The following GALNT13 variants were observed in gnomAD, a reference collection of about 807,000 sequenced individuals.
The protein encoded by GALNT13 is UDP-GalNAc:polypeptide N-acetylgalactosaminyltransferase 13.
GALNT13 carries 28 observed loss-of-function variants against 64.2 expected under a neutral mutation model. The observed-to-expected ratio is 0.44, with a 90% CI of 0.32 to 0.60. The LOEUF is 0.60. Ranked by LOEUF, GALNT13 falls within the 20% of genes least tolerant of loss-of-function variation. The pLI is 0.05. For missense variants in GALNT13, 577 were observed against 669.8 expected, an observed-to-expected ratio of 0.86 and a Z score of 1.53; for synonymous variants, 214 against 224.6, an observed-to-expected ratio of 0.95 and a Z score of 0.42.
At chr2:154,369,422 G>A (rs1313872329) in intron 9 of GALNT13, among the ~76,000 whole-genome samples, 1 of 152,134 alleles carries the variant, frequency 6.6e-6, no homozygotes, top group African/African-American at 2.4e-5. Flanking sequence ...ATACTTCAGT[G>A]TCAGCTCTCA....
chr2:153,239,059 G>A, the GALNT13 span, among the ~76,000 whole-genome samples: 1 of 151,738 alleles, frequency 6.6e-6, no homozygotes, highest in Non-Finnish European at 1.5e-5. Context: ...CTTTCACTTT[G>A]GCAACTTTAT....
At chr2:154,413,486 C>T (rs1418036101) in intron 11 of GALNT13, among the ~76,000 whole-genome samples, 1 of 151,964 alleles carries the variant, frequency 6.6e-6, no homozygotes, top group Non-Finnish European at 1.5e-5. Flanking sequence ...CAGCTTTCCA[C>T]TGCCCAAAGA....
At chr2:153,587,631 C>A in the GALNT13 span, among the ~76,000 whole-genome samples, 80 of 152,266 alleles carry the variant, frequency 5.3e-4, no homozygotes, top group African/African-American at 1.8e-3. Flanking sequence ...GATTCAGTTA[C>A]CTCCCACCAG....
rs762228165 is a variant in GALNT13 at position 154,236,228 on chromosome 2, C to A, written c.312-5802C>A. 17 of 880,402 alleles carry A rather than the reference C, an allele frequency of 1.9e-5. 1 individual carries two copies. Among genetic ancestry groups the A allele is most frequent in the Non-Finnish European group, 2.1e-5 (15 of 709,380 alleles). The allele number at this position is 880,402 out of a possible 1,614,324, so 54.5% of individuals were successfully genotyped here. On this transcript the variant is annotated intron_variant, in intron 4 of 12. Coordinates refer to ENST00000392825, the MANE Select transcript of GALNT13 (RefSeq NM_052917.4). ...ATATAAACACACAAAGAGATGTTAA[C>A]CTCATGCATCATATTTTAAAATGTT...
the GALNT13 span, among the ~76,000 whole-genome samples, chr2:153,450,915 A>G: frequency 0.083 from 12,665 of 152,236 alleles, 593 homozygotes; most frequent in South Asian, 0.15. Flanking sequence ...AGTAAACATG[A>G]TACAATATTT....
At chr2:153,122,753 A>G in the GALNT13 span, among the ~76,000 whole-genome samples, 1 of 152,098 alleles carries the variant, frequency 6.6e-6, no homozygotes, top group East Asian at 1.9e-4. Context: ...CAGGGGATGA[A>G]AGGTTCTTAT....
intron 9 of GALNT13, among the ~76,000 whole-genome samples, chr2:154,319,627 T>G (rs1444541979): frequency 2.0e-5 from 3 of 149,980 alleles, no homozygotes; most frequent in Non-Finnish European, 4.4e-5. Context: ...ATCACACCAC[T>G]GCACTCCAGC....
chr2:153,647,716 A>G, the GALNT13 span, among the ~76,000 whole-genome samples: 4 of 152,206 alleles, frequency 2.6e-5, no homozygotes, highest in African/African-American at 9.6e-5. Context: ...CATTTGTTAA[A>G]TAGGGAATCC....
At chr2:154,386,208 G>A (rs1461989625) in intron 9 of GALNT13, among the ~76,000 whole-genome samples, 2 of 151,950 alleles carry the variant, frequency 1.3e-5, no homozygotes, top group African/African-American at 4.8e-5. Flanking sequence ...CTGAGGAGAT[G>A]GGAGATAGTC....
the GALNT13 span, among the ~76,000 whole-genome samples, chr2:153,079,059 T>C: frequency 8.5e-5 from 13 of 152,140 alleles, no homozygotes; most frequent in African/African-American, 3.1e-4. Context: ...TACTTAGATA[T>C]GGCAAGGTCA....
intron 4 of GALNT13, among the ~76,000 whole-genome samples, chr2:154,171,971 T>TACACACACAC (rs57343446): frequency 2.4e-4 from 35 of 144,320 alleles, no homozygotes; most frequent in African/African-American, 7.8e-4. Context: ...TTCTTTCTCA[T>TACACACACAC]ACACACACAC....
intron 4 of GALNT13, among the ~76,000 whole-genome samples, chr2:154,152,682 C>A (rs1322932375): frequency 6.6e-6 from 1 of 152,136 alleles, no homozygotes; most frequent in Non-Finnish European, 1.5e-5. Context: ...TCATTCATTT[C>A]ATCTTCCATC....
intron 3 of GALNT13, among the ~76,000 whole-genome samples, chr2:154,004,922 G>A (rs569720255): frequency 6.6e-6 from 1 of 152,250 alleles, no homozygotes; most frequent in East Asian, 1.9e-4. Context: ...TCAGAAAATA[G>A]TATTTAATCC....
the GALNT13 span, among the ~76,000 whole-genome samples, chr2:153,744,208 G>A: frequency 1.3e-5 from 2 of 152,038 alleles, no homozygotes; most frequent in Non-Finnish European, 2.9e-5. Flanking sequence ...TGAGATTGCT[G>A]GATCATATGG....
At chr2:153,566,511 C>T in the GALNT13 span, among the ~76,000 whole-genome samples, 7 of 152,036 alleles carry the variant, frequency 4.6e-5, no homozygotes, top group Admixed American at 2.6e-4. Flanking sequence ...CCTGCCACCG[C>T]GCCCGGCTAA....
the GALNT13 span, among the ~76,000 whole-genome samples, chr2:153,512,036 G>C: frequency 6.6e-6 from 1 of 152,286 alleles, no homozygotes; most frequent in South Asian, 2.1e-4. Context: ...TGTAACCATG[G>C]GGAGAGGGGC....
chr2:153,138,907 A>G, the GALNT13 span, among the ~76,000 whole-genome samples: 2 of 152,024 alleles, frequency 1.3e-5, no homozygotes, highest in Non-Finnish European at 2.9e-5. Context: ...TATGTGCTCA[A>G]AGATCCCTCA....
At chr2:154,387,486 T>C (rs1444687458) in intron 9 of GALNT13, among the ~76,000 whole-genome samples, 1 of 152,122 alleles carries the variant, frequency 6.6e-6, no homozygotes, top group East Asian at 1.9e-4. Context: ...TGCATCGTTG[T>C]TGACTATAGT....
intron 3 of GALNT13, among the ~76,000 whole-genome samples, chr2:153,991,242 G>C (rs1234366489): frequency 6.6e-6 from 1 of 152,162 alleles, no homozygotes; most frequent in Non-Finnish European, 1.5e-5. Context: ...CACTGGCTGG[G>C]CAGGGCTAGA....
Sources: allele counts gnomAD v4.1 joint callset (sites outside exome capture counted in the v4.1 genomes callset), GRCh38; gene constraint gnomAD v4.1.1; transcripts MANE v1.5; gene names NCBI Gene and HGNC (gene_info 2026-07-23, HGNC 2026-07-21).